KCNC1: variants seen among roughly 807,000 people sequenced by gnomAD.
KCNC1 encodes the protein voltage-gated potassium channel KCNC1.
KCNC1 carries 8 observed loss-of-function variants against 43.4 expected under a neutral mutation model. The ratio of observed to expected loss-of-function variants is 0.18; its 90% CI spans 0.11 to 0.33. The LOEUF is 0.33. Among genes scored for constraint, KCNC1 ranks in the 10% least tolerant of loss-of-function variants. The pLI is 1.00. For synonymous variants in KCNC1, 361 were observed against 360.5 expected (o/e 1.00, Z -0.01); for missense variants, 420 against 836.0 (o/e 0.50, Z 6.14).
intron 1 of KCNC1, among the ~76,000 whole-genome samples, chr11:17,740,989 T>C (rs375940607): frequency 6.6e-6 from 1 of 152,058 alleles, no homozygotes; most frequent in Non-Finnish European, 1.5e-5. Flanking sequence ...ACAGAGCTAT[T>C]ATCAGGGGAT....
At position 17,763,282 on chromosome 11, in the gene KCNC1, C is replaced by A. The variant is rs567994803; in HGVS notation, c.571-8383C>A. Among the ~76,000 whole-genome samples, 33 of 152,082 alleles carry A rather than the reference C, an allele frequency of 2.2e-4. No homozygotes were observed. The South Asian group carries it at 6.5e-3, about 30-fold the overall frequency. On this transcript the variant is annotated intron_variant, in intron 1 of 3. Coordinates refer to ENST00000265969, the MANE Select transcript of KCNC1 (RefSeq NM_001112741.2). The stretch of plus-strand genomic sequence containing the variant: ...TGGGCCGGCTCAGCCCCCCACCCTG[C>A]CTATCACCTTCCTCCAAGTCCAGGA...
chr11:17,757,890 T>A (rs1849038727), intron 1 of KCNC1, among the ~76,000 whole-genome samples: 1 of 152,256 alleles, frequency 6.6e-6, no homozygotes, highest in Non-Finnish European at 1.5e-5. Context: ...TGTTGATGGC[T>A]GCCGATTGAT....
intron 1 of KCNC1, among the ~76,000 whole-genome samples, chr11:17,763,868 C>T (rs1849111898): frequency 7.1e-6 from 1 of 141,204 alleles, no homozygotes; most frequent in South Asian, 2.4e-4. Flanking sequence ...CACCCCACCA[C>T]ACATGCACAT....
At chr11:17,768,617 G>GT (rs904059091) in intron 1 of KCNC1, among the ~76,000 whole-genome samples, 5 of 151,778 alleles carry the variant, frequency 3.3e-5, no homozygotes, top group South Asian at 4.2e-4. Context: ...GTTGGTGGGG[G>GT]GGGGGGCGGT....
intron 1 of KCNC1, among the ~76,000 whole-genome samples, chr11:17,748,845 G>A (rs768890843): frequency 3.3e-4 from 50 of 152,138 alleles, no homozygotes; most frequent in Admixed American, 1.3e-4. Context: ...ATGGAGGGCC[G>A]TAATGAGGGG....
In KCNC1 at chr11:17,776,212, T is replaced by C. The variant is rs1258543057; in HGVS notation, c.1505-3244T>C. 2 of 985,344 alleles carry C rather than the reference T, an allele frequency of 2.0e-6. No homozygotes were observed. The highest frequency in any genetic ancestry group is 1.7e-5 in the African/African-American group (1 of 57,224). 61.0% of individuals were successfully genotyped at this position (985,344 alleles called of 1,614,324 possible). A position where few individuals can be genotyped will look rare whatever the true frequency, so the allele number is the denominator to read the frequency against. On this transcript the variant is annotated intron_variant, in intron 2 of 3. Coordinates refer to ENST00000265969, the MANE Select transcript of KCNC1 (RefSeq NM_001112741.2). This position sits in a 1 kb window ranked among gnomAD's most constrained non-coding sequence, Gnocchi z 4.4. The stretch of plus-strand genomic sequence containing the variant: ...CTCTCTTTCTCTCTCTCTCCACTAA[T>C]CATGTTTCTCTCTCTCTCCTCGTTT...
chr11:17,762,459 C>G (rs917606513), intron 1 of KCNC1, among the ~76,000 whole-genome samples: 1 of 152,218 alleles, frequency 6.6e-6, no homozygotes, highest in African/African-American at 2.4e-5. Flanking sequence ...CTCACTGTTA[C>G]AACCACTGGG....
intron 2 of KCNC1, chr11:17,774,058 C>G (rs544121453): frequency 2.0e-6 from 2 of 985,408 alleles, no homozygotes; most frequent in Non-Finnish European, 2.4e-6. Flanking sequence ...TATGCTGGCC[C>G]GAGCACTACC....
intron 2 of KCNC1, chr11:17,774,908 C>T: frequency 1.0e-6 from 1 of 985,490 alleles, no homozygotes. Context: ...GAACACTTCT[C>T]CCTCCAAAAG....
At chr11:17,744,150 C>A (rs1248260153) in intron 1 of KCNC1, among the ~76,000 whole-genome samples, 4 of 152,156 alleles carry the variant, frequency 2.6e-5, no homozygotes, top group Admixed American at 2.6e-4. Context: ...GCCCCTTCAT[C>A]CTGCAGTTTT....
At chr11:17,775,281 T>TTCCCACCC in intron 2 of KCNC1, 11 of 935,768 alleles carry the variant, frequency 1.2e-5, no homozygotes, top group Non-Finnish European at 1.3e-5. Context: ...TCTGAGGGCA[T>TTCCCACCC]CCCTCCCGCC....
At position 17,777,762 on chromosome 11, in the gene KCNC1, C is replaced by T; in HGVS notation, c.1505-1694C>T. 3 of 986,108 alleles carry T rather than the reference C, an allele frequency of 3.0e-6. No individual in the cohort carries two copies. Among genetic ancestry groups the T allele is most frequent in the Non-Finnish European group, 1.2e-6 (1 of 829,934 alleles). 61.1% of individuals were successfully genotyped at this position (986,108 alleles called of 1,614,324 possible). On this transcript the variant is annotated intron_variant, in intron 2 of 3. Coordinates refer to ENST00000265969, the MANE Select transcript of KCNC1 (RefSeq NM_001112741.2). The surrounding 1 kb of genome is among the most constrained non-coding windows in gnomAD (Gnocchi z 4.3). ...GTACGAAAGACTTTTTTTTTAAGTTCCAAAATTATGATGGGATTTTTTTGG... is the reference window on the plus strand; with the variant it reads ...GTACGAAAGACTTTTTTTTTAAGTTTCAAAATTATGATGGGATTTTTTTGG...
At chr11:17,743,849 T>C (rs1167649797) in intron 1 of KCNC1, among the ~76,000 whole-genome samples, 1 of 152,244 alleles carries the variant, frequency 6.6e-6, no homozygotes, top group Non-Finnish European at 1.5e-5. Flanking sequence ...TTAAGGTTCC[T>C]CACACTTAGC....
At position 17,743,645 on chromosome 11, in the gene KCNC1, G is replaced by A. The variant is rs552099583; in HGVS notation, c.570+7073G>A. On this transcript the variant is annotated intron_variant, in intron 1 of 3. Coordinates refer to ENST00000265969, the MANE Select transcript of KCNC1 (RefSeq NM_001112741.2). Reference sequence around the variant, plus strand: ...TGCTTGTGCAGGGCGGCACATGGTGGGAACGCTGGCCGCCCCTCAGCTCGG... The same window carrying A: ...TGCTTGTGCAGGGCGGCACATGGTGAGAACGCTGGCCGCCCCTCAGCTCGG... Among the ~76,000 whole-genome samples, 7 of 152,334 alleles carry A rather than the reference G, an allele frequency of 4.6e-5. No individual in the cohort carries two copies. In the South Asian group the frequency reaches 1.5e-3, roughly 32 times the overall value.
chr11:17,737,450 C>G (rs1411177126), intron 1 of KCNC1, among the ~76,000 whole-genome samples: 1 of 152,062 alleles, frequency 6.6e-6, no homozygotes, highest in Non-Finnish European at 1.5e-5. Context: ...ATAGCCATAC[C>G]AGCTTGTTCC....
rs2133812279 is a variant in KCNC1, at chr11:17,782,825, A to T, written c.*1091A>T. 2 of 152,186 alleles carry T rather than the reference A, an allele frequency of 1.3e-5. 1 individual carries two copies. Among genetic ancestry groups the T allele is most frequent in the Middle Eastern group, 6.8e-3 (2 of 294 alleles). The allele number at this position is 152,186 out of a possible 1,614,324, so 9.4% of individuals were successfully genotyped here. On this transcript the variant is annotated 3_prime_UTR_variant, in exon 4 of 4. Transcript: ENST00000265969. ...TCTCGAATAAATATAGTATTTTCCC[A>T]ACAGAAACAGAGGACAGTAGCTTGG...
At chr11:17,774,953 A>G (rs1849268716) in intron 2 of KCNC1, 1 of 985,202 alleles carries the variant, frequency 1.0e-6, no homozygotes, top group Non-Finnish European at 1.2e-6. Context: ...CGCCACCAAG[A>G]GGAGTTGCGG....
At chr11:17,755,428 G>A (rs1056400699) in intron 1 of KCNC1, among the ~76,000 whole-genome samples, 4 of 152,140 alleles carry the variant, frequency 2.6e-5, no homozygotes, top group African/African-American at 7.2e-5. Context: ...GTTGGAACCT[G>A]GGAGACCAGT....
In KCNC1 at chr11:17,782,216, G is replaced by A. The variant is rs1849353463; in HGVS notation, c.*482G>A. On this transcript the variant is annotated 3_prime_UTR_variant, in exon 4 of 4. Coordinates refer to ENST00000265969, the MANE Select transcript of KCNC1 (RefSeq NM_001112741.2). ...GAGGGGCGAGGGGAGGAGGGACAGAGATGGGGAATGGATTGCTTCCTTTTT... is the reference window on the plus strand; with the variant it reads ...GAGGGGCGAGGGGAGGAGGGACAGAAATGGGGAATGGATTGCTTCCTTTTT... 6.5e-6 allele frequency: 1 copy of A among 153,678 alleles called. No individual in the cohort carries two copies. Among genetic ancestry groups the A allele is most frequent in the African/African-American group, 2.4e-5 (1 of 41,506 alleles). The allele number at this position is 153,678 out of a possible 1,614,324, so 9.5% of individuals were successfully genotyped here. A position where few individuals can be genotyped will look rare whatever the true frequency, so the allele number is the denominator to read the frequency against.
Sources: gnomAD v4.1 joint callset for allele counts (sites outside exome capture counted in the v4.1 genomes callset) on GRCh38, gnomAD v4.1.1 for gene constraint, Gnocchi (gnomAD v3.1) non-coding constraint, MANE v1.5 for transcripts, NCBI Gene and HGNC (gene_info 2026-07-23, HGNC 2026-07-21) for gene names.